The following CDK19 variants were observed in gnomAD, a reference collection of about 807,000 sequenced individuals.
CDK19 encodes cyclin dependent kinase 19.
A neutral mutation model predicts 68.3 loss-of-function variants in CDK19; 20 were observed. The observed-to-expected ratio is 0.29, with a 90% confidence interval of 0.21 to 0.43. The LOEUF is 0.43. CDK19 is among the 20% of genes least tolerant of loss of function. CDK19 has a pLI of 1.00. For synonymous variants in CDK19, 221 were observed against 222.8 expected, an observed-to-expected ratio of 0.99 and a Z score of 0.07; for missense variants, 339 against 623.5, an observed-to-expected ratio of 0.54 and a Z score of 4.86.
At chr6:110,797,351 A>G (rs1782011275) in intron 1 of CDK19, among the ~76,000 whole-genome samples, 1 of 151,850 alleles carries the variant, frequency 6.6e-6, no homozygotes, top group South Asian at 2.1e-4. Context: ...AAAAAAAAAG[A>G]AAAAAAAGGC....
In CDK19 at chr6:110,614,595, G is replaced by C; in HGVS notation, c.1449C>G (p.Tyr483Ter). The C allele has an allele frequency of 6.2e-7, 1 of 1,614,018 alleles. No individual in the cohort carries two copies. The highest frequency in any genetic ancestry group is 8.5e-7 in the Non-Finnish European group (1 of 1,179,886). ...GSSQSQSTLG[Y>*]SSSSQQSSQY... is the part of the protein sequence containing the mutation. Reference sequence around the variant, plus strand: ...GTGAGCTCTGCTGAGACGAGGAAGAGTAGCCAAGTGTGCTCTGGGACTGAG... The same window carrying C: ...GTGAGCTCTGCTGAGACGAGGAAGACTAGCCAAGTGTGCTCTGGGACTGAG... Residue 483 changes from tyrosine (Y) to a stop codon, truncating the protein, a stop_gained, in exon 13 of 13, where the codon TAC (tyrosine) becomes TAG (stop). Transcript: ENST00000368911. LOFTEE classifies it high-confidence loss of function.
intron 5 of CDK19, 139 bp downstream of exon 5, chr6:110,638,510 A>G (rs941591756): frequency 8.3e-6 from 5 of 604,894 alleles, no homozygotes; most frequent in Non-Finnish European, 1.5e-5. Flanking sequence ...CTATCTATCT[A>G]CATTTTCCAA....
chr6:110,630,102 C>T (rs1385575777), intron 6 of CDK19, among the ~76,000 whole-genome samples: 4 of 152,162 alleles, frequency 2.6e-5, no homozygotes, highest in Non-Finnish European at 4.4e-5. Context: ...ATATGGGTCC[C>T]GCACAACAGA....
intron 2 of CDK19, among the ~76,000 whole-genome samples, chr6:110,715,113 G>A (rs1775272723): frequency 6.6e-6 from 1 of 151,966 alleles, no homozygotes; most frequent in Admixed American, 6.6e-5. Context: ...AATCTATTAG[G>A]CAATCACCTT....
intron 4 of CDK19, among the ~76,000 whole-genome samples, chr6:110,664,043 T>C (rs1013048210): frequency 6.6e-6 from 1 of 152,152 alleles, no homozygotes; most frequent in Non-Finnish European, 1.5e-5. Context: ...TCACAAACTG[T>C]CAGTACTTAA....
rs186081032 is a variant in CDK19, at chr6:110,650,856, T to A, written c.457-12150A>T. Among the ~76,000 whole-genome samples the A allele has an allele frequency of 2.0e-5, 3 of 152,312 alleles. No individual in the cohort carries two copies. In the East Asian group the frequency reaches 5.8e-4, roughly 29 times the overall value. On this transcript the variant is annotated intron_variant, in intron 4 of 12. Coordinates refer to ENST00000368911, the MANE Select transcript of CDK19 (RefSeq NM_015076.5). The stretch of plus-strand genomic sequence containing the variant: ...TCAAATGGTTCTGTTTTCATCCAAG[T>A]CATTTTAGTACCAGAATTGGGCAGG...
chr6:110,728,582 A>C (rs993895516), intron 2 of CDK19, among the ~76,000 whole-genome samples: 1 of 151,952 alleles, frequency 6.6e-6, no homozygotes, highest in Non-Finnish European at 1.5e-5. Flanking sequence ...TAAAAAAAAA[A>C]AAACTAATTT....
Position 110,642,041 on chromosome 6 carries a change from G to A in CDK19, c.457-3335C>T, listed in dbSNP as rs553179056. ...TTGGAGGCTGGGCGTGGTGGCTCAC[G>A]CCTGTAATCCCAGCACTTTGGGAGA... On this transcript the variant is annotated intron_variant, in intron 4 of 12. Transcript: ENST00000368911. Among the ~76,000 whole-genome samples, 8 of 151,958 alleles carry A rather than the reference G, an allele frequency of 5.3e-5. No homozygotes were observed. In the South Asian group the frequency reaches 6.2e-4, roughly 12 times the overall value.
At chr6:110,693,412 GA>G (rs1359195948) in intron 2 of CDK19, among the ~76,000 whole-genome samples, 1 of 152,216 alleles carries the variant, frequency 6.6e-6, no homozygotes, top group Non-Finnish European at 1.5e-5. Flanking sequence ...AGAAGCAGTG[GA>G]AAGAGCCCTG....
intron 4 of CDK19, among the ~76,000 whole-genome samples, chr6:110,662,365 C>G (rs1166792208): frequency 6.6e-6 from 1 of 151,778 alleles, no homozygotes; most frequent in African/African-American, 2.4e-5. Context: ...TTATTGTGTA[C>G]TAGGTTCTGG....
At chr6:110,651,511 T>C (rs935237544) in intron 4 of CDK19, among the ~76,000 whole-genome samples, 4 of 152,294 alleles carry the variant, frequency 2.6e-5, no homozygotes, top group African/African-American at 9.6e-5. Context: ...GAAGGGCAGA[T>C]TGCTTGCGCT....
chr6:110,754,231 C>G (rs907705503), intron 1 of CDK19, among the ~76,000 whole-genome samples: 1 of 151,646 alleles, frequency 6.6e-6, no homozygotes, highest in South Asian at 2.1e-4. Flanking sequence ...CAGGGTCTCG[C>G]TATGTTACCC....
At chr6:110,805,426 G>T (rs190797541) in intron 1 of CDK19, among the ~76,000 whole-genome samples, 155 of 151,190 alleles carry the variant, frequency 1.0e-3, no homozygotes, top group African/African-American at 3.6e-3. Context: ...GTAATATATT[G>T]CTTTAAAATC....
At chr6:110,667,824 C>T (rs1444789966) in intron 3 of CDK19, among the ~76,000 whole-genome samples, 1 of 151,628 alleles carries the variant, frequency 6.6e-6, no homozygotes, top group Admixed American at 6.6e-5. Flanking sequence ...TTAAATAGGA[C>T]CAAAAGGTAA....
intron 1 of CDK19, among the ~76,000 whole-genome samples, chr6:110,803,002 A>G (rs1008860744): frequency 6.6e-6 from 1 of 152,240 alleles, no homozygotes; most frequent in African/African-American, 2.4e-5. Context: ...AAACTTAAAC[A>G]GAAATGGTTA....
At chr6:110,649,062 A>G (rs1245570092) in intron 4 of CDK19, among the ~76,000 whole-genome samples, 1 of 152,020 alleles carries the variant, frequency 6.6e-6, no homozygotes. Context: ...ATTAACCCAT[A>G]TATATAGATA....
chr6:110,617,651 T>TTATATATATA (rs1164239935), intron 12 of CDK19, among the ~76,000 whole-genome samples: 1 of 98,836 alleles, frequency 1.0e-5, no homozygotes, highest in African/African-American at 4.6e-5. Context: ...ATAAAATTAT[T>TTATATATATA]TATATATATA....
intron 2 of CDK19, among the ~76,000 whole-genome samples, chr6:110,724,008 C>T (rs1312935470): frequency 2.4e-5 from 2 of 82,748 alleles, no homozygotes; most frequent in Admixed American, 1.9e-4. Context: ...AACATACCAA[C>T]ATTCTTAAAA....
intron 2 of CDK19, among the ~76,000 whole-genome samples, chr6:110,705,117 C>T (rs939662423): frequency 1.3e-5 from 2 of 151,610 alleles, no homozygotes; most frequent in Non-Finnish European, 2.9e-5. Flanking sequence ...CTCAGCTCAC[C>T]GCAGCCTCTG....
Sources: allele counts gnomAD v4.1 joint callset (sites outside exome capture counted in the v4.1 genomes callset), GRCh38; gene constraint gnomAD v4.1.1; transcripts MANE v1.5; gene names NCBI Gene and HGNC (gene_info 2026-07-23, HGNC 2026-07-21).